The following PALLD variants were observed in gnomAD, a reference collection of about 807,000 sequenced individuals.
The protein encoded by PALLD is palladin.
A neutral mutation model predicts 123.5 loss-of-function variants in PALLD; 61 were observed. The observed-to-expected ratio is 0.49, with a 90% confidence interval of 0.40 to 0.61. The LOEUF (loss-of-function observed/expected upper bound fraction) is 0.61. Ranked by LOEUF, PALLD falls within the 20% of genes least tolerant of loss-of-function variation. The pLI, the probability that PALLD is intolerant of heterozygous loss-of-function variation, is 0.00. For missense variants in PALLD, 1,273 were observed against 1,377.0 expected, an observed-to-expected ratio of 0.92 and a Z score of 1.20; for synonymous variants, 465 against 496.4, an observed-to-expected ratio of 0.94 and a Z score of 0.84.
In PALLD at chr4:168,846,960, T is replaced by G. The variant is rs28658572; in HGVS notation, c.1965-43962T>G. Among the ~76,000 whole-genome samples the G allele has an allele frequency of 6.8e-3, 1,035 of 152,312 alleles. 11 individuals carry two copies. The highest frequency in any genetic ancestry group is 0.024 in the African/African-American group (977 of 41,560). ...CAAAGCAAAACAGAATTTTGATATT[T>G]GCTAAAAAAGAAAAGGCCTGAAATT... On this transcript the variant is annotated intron_variant, in intron 10 of 21. Transcript: ENST00000505667.
intron 10 of PALLD, among the ~76,000 whole-genome samples, chr4:168,742,438 T>A (rs1368986859): frequency 6.6e-6 from 1 of 152,208 alleles, no homozygotes; most frequent in Admixed American, 6.5e-5. Flanking sequence ...GAAGACTGTG[T>A]GTTTTAAAGC....
At chr4:168,633,304 G>C (rs1186032497) in intron 2 of PALLD, among the ~76,000 whole-genome samples, 1 of 152,098 alleles carries the variant, frequency 6.6e-6, no homozygotes, top group Non-Finnish European at 1.5e-5. Flanking sequence ...TTCCCCCCGC[G>C]GTTGTTATAG....
At chr4:168,649,161 A>T (rs1313758783) in intron 2 of PALLD, among the ~76,000 whole-genome samples, 1 of 152,242 alleles carries the variant, frequency 6.6e-6, no homozygotes, top group African/African-American at 2.4e-5. Flanking sequence ...GACGTGTCAC[A>T]TTCTGCATGC....
chr4:168,836,689 C>T (rs1392068731), intron 10 of PALLD, among the ~76,000 whole-genome samples: 1 of 152,194 alleles, frequency 6.6e-6, no homozygotes, highest in Non-Finnish European at 1.5e-5. Context: ...GCGTTGACGT[C>T]TATGACATTC....
intron 10 of PALLD, among the ~76,000 whole-genome samples, chr4:168,769,669 C>A (rs6823685): frequency 0.53 from 80,972 of 151,592 alleles, 21,810 homozygotes; most frequent in Admixed American, 0.62. Context: ...AGAATGCTAA[C>A]CCTGCAAAAC....
chr4:168,809,636 G>A lies in PALLD; in HGVS notation c.1965-81286G>A, dbSNP rs181767060. Among the ~76,000 whole-genome samples, 17 of 152,272 alleles carry A rather than the reference G, an allele frequency of 1.1e-4. No individual in the cohort carries two copies. In the East Asian group the frequency reaches 3.3e-3, roughly 29 times the overall value. Reference sequence around the variant, plus strand: ...CCAACACTTTGGAAGGCCAAGGTGGGTGGATCACTTGAGGTCCAGAAGTTC... The same window carrying A: ...CCAACACTTTGGAAGGCCAAGGTGGATGGATCACTTGAGGTCCAGAAGTTC... On this transcript the variant is annotated intron_variant, in intron 10 of 21. Coordinates refer to ENST00000505667, the MANE Select transcript of PALLD (RefSeq NM_001166108.2).
At chr4:168,690,864 C>G in intron 7 of PALLD, 120 bp downstream of exon 7, 1 of 1,040,374 alleles carries the variant, frequency 9.6e-7, no homozygotes, top group Non-Finnish European at 1.5e-6. Flanking sequence ...GTGGCAGGAT[C>G]AGATAATCTA....
intron 2 of PALLD, among the ~76,000 whole-genome samples, chr4:168,591,592 A>G (rs1196236343): frequency 6.6e-6 from 1 of 152,292 alleles, no homozygotes; most frequent in East Asian, 1.9e-4. Context: ...TCTCACCTCC[A>G]ACCCTGCGTA....
At chr4:168,604,172 G>A (rs2149736625) in intron 2 of PALLD, among the ~76,000 whole-genome samples, 1 of 152,150 alleles carries the variant, frequency 6.6e-6, no homozygotes, top group South Asian at 2.1e-4. Flanking sequence ...GAAGCTGAGA[G>A]GTTAGACAGT....
intron 10 of PALLD, among the ~76,000 whole-genome samples, chr4:168,778,030 A>ATGAACTTTG (rs1439387073): frequency 4.6e-5 from 7 of 152,198 alleles, no homozygotes; most frequent in African/African-American, 1.7e-4. Context: ...TTCGTCTTGG[A>ATGAACTTTG]TGAACTTTGT....
intron 6 of PALLD, among the ~76,000 whole-genome samples, chr4:168,689,185 A>G (rs1259277737): frequency 6.6e-6 from 1 of 152,206 alleles, no homozygotes; most frequent in East Asian, 1.9e-4. Context: ...TTCTTCTGCC[A>G]ATGTCATAGG....
chr4:168,705,737 A>G (rs1437502656), intron 8 of PALLD, among the ~76,000 whole-genome samples: 1 of 152,092 alleles, frequency 6.6e-6, no homozygotes, highest in African/African-American at 2.4e-5. Flanking sequence ...CCCGGGTTCA[A>G]GCAATTCTCC....
intron 15 of PALLD, among the ~76,000 whole-genome samples, chr4:168,910,758 C>T (rs186567070): frequency 2.4e-4 from 36 of 152,244 alleles, no homozygotes; most frequent in Non-Finnish European, 4.4e-4. Context: ...GACAGCAGAA[C>T]TGGTTTACAA....
intron 10 of PALLD, among the ~76,000 whole-genome samples, chr4:168,741,853 AT>A (rs1202621687): frequency 6.6e-6 from 1 of 152,184 alleles, no homozygotes; most frequent in Non-Finnish European, 1.5e-5. Context: ...AAACAGAAAC[AT>A]TTTGGAGAGG....
chr4:168,584,362 T>A (rs1466771864), intron 2 of PALLD, among the ~76,000 whole-genome samples: 3 of 152,250 alleles, frequency 2.0e-5, no homozygotes, highest in Admixed American at 2.0e-4. Context: ...ATGGAACAGA[T>A]GCCAGATAAC....
At chr4:168,600,038 C>CACACACATAT (rs1772430007) in intron 2 of PALLD, among the ~76,000 whole-genome samples, 3 of 142,396 alleles carry the variant, frequency 2.1e-5, no homozygotes, top group Non-Finnish European at 4.6e-5. Context: ...CACATACATA[C>CACACACATAT]ATGTGTATAC....
intron 10 of PALLD, among the ~76,000 whole-genome samples, chr4:168,860,699 G>A (rs62332979): frequency 6.8e-4 from 104 of 152,314 alleles, no homozygotes; most frequent in Non-Finnish European, 4.9e-4. Flanking sequence ...GTGCACGTCT[G>A]TAATCCCGGT....
intron 2 of PALLD, among the ~76,000 whole-genome samples, chr4:168,592,505 G>C (rs1771538976): frequency 6.6e-6 from 1 of 152,118 alleles, no homozygotes; most frequent in South Asian, 2.1e-4. Flanking sequence ...TCAAAAACTA[G>C]TTAAGTCATG....
chr4:168,637,850 A>C (rs1361636863), intron 2 of PALLD, among the ~76,000 whole-genome samples: 2 of 148,166 alleles, frequency 1.3e-5, no homozygotes, highest in South Asian at 2.2e-4. Flanking sequence ...TGGCTGAGAC[A>C]GGAGAATTGC....
Sources: allele counts gnomAD v4.1 joint callset (sites outside exome capture counted in the v4.1 genomes callset), GRCh38; gene constraint gnomAD v4.1.1; transcripts MANE v1.5; gene names NCBI Gene and HGNC (gene_info 2026-07-23, HGNC 2026-07-21).